XKR4: variants seen among roughly 807,000 people sequenced by gnomAD.
XKR4 encodes XK related 4.
A neutral mutation model predicts 53.9 loss-of-function variants in XKR4; 12 were observed. The observed-to-expected ratio is 0.22, with a 90% confidence interval of 0.14 to 0.36. The LOEUF is 0.36. Among genes scored for constraint, XKR4 ranks in the 10% least tolerant of loss-of-function variants. The probability of loss-of-function intolerance (pLI) is 1.00; values close to 1 mark genes in which losing one functional copy is unlikely to be tolerated. For missense variants in XKR4, 799 were observed against 859.5 expected, an observed-to-expected ratio of 0.93 and a Z score of 0.88; for synonymous variants, 354 against 362.4, an observed-to-expected ratio of 0.98 and a Z score of 0.26.
chr8:55,185,813 A>G (rs1000263194), intron 1 of XKR4, among the ~76,000 whole-genome samples: 2 of 152,130 alleles, frequency 1.3e-5, no homozygotes, highest in Non-Finnish European at 2.9e-5. Flanking sequence ...GTTTGATTCC[A>G]CCTAGATTGC....
At chr8:55,495,616 T>C (rs1806332741) in intron 2 of XKR4, among the ~76,000 whole-genome samples, 1 of 151,748 alleles carries the variant, frequency 6.6e-6, no homozygotes, top group African/African-American at 2.4e-5. Context: ...ATTGTCTCCT[T>C]CCCCCCCAGG....
intron 1 of XKR4, among the ~76,000 whole-genome samples, chr8:55,104,137 G>A (rs1297615478): frequency 6.6e-6 from 1 of 151,984 alleles, no homozygotes; most frequent in Non-Finnish European, 1.5e-5. Flanking sequence ...GGAATACAAG[G>A]CTAAACTTGG....
At chr8:55,143,294 G>A (rs1338274663) in intron 1 of XKR4, among the ~76,000 whole-genome samples, 1 of 152,144 alleles carries the variant, frequency 6.6e-6, no homozygotes, top group African/African-American at 2.4e-5. Context: ...GAACTGCTGG[G>A]TCCTAAAGTG....
chr8:55,521,281 A>C (rs565042061), intron 2 of XKR4, among the ~76,000 whole-genome samples: 12 of 152,242 alleles, frequency 7.9e-5, no homozygotes, highest in Non-Finnish European at 1.3e-4. Context: ...AAAAAGGCAC[A>C]ATCTTTTGTT....
chr8:55,534,358 A>ATAT lies in XKR4; in HGVS notation c.*10133_*10135dup, dbSNP rs1806997040. On this transcript the variant is annotated 3_prime_UTR_variant, in exon 3 of 3. Coordinates refer to ENST00000327381, the MANE Select transcript of XKR4 (RefSeq NM_052898.2). The stretch of plus-strand genomic sequence containing the variant: ...TACGAGCTCAAAGATCACGAATCTG[A>ATAT]TATTCTTTTTTTTTTTTTTTTTTTT... 1 of 71,518 alleles carries ATAT rather than the reference A, an allele frequency of 1.4e-5. No individual in the cohort carries two copies. The highest frequency in any genetic ancestry group is 3.0e-5 in the Non-Finnish European group (1 of 33,434). 4.4% of individuals were successfully genotyped at this position (71,518 alleles called of 1,614,324 possible). A position where few individuals can be genotyped will look rare whatever the true frequency, so the allele number is the denominator to read the frequency against.
At position 55,458,369 on chromosome 8, in the gene XKR4, G is replaced by A. The variant is rs142566906; in HGVS notation, c.1007-64912G>A. 4.1e-4 allele frequency among the ~76,000 whole-genome samples: 62 copies of A among 152,284 alleles called. 1 individual carries two copies. In the East Asian group the frequency reaches 7.5e-3, roughly 19 times the overall value. ...ATGAGTGCTTCTGGGCAACCAGCAG[G>A]AGCAGAACTCCATATGGTCCCGTGG... On this transcript the variant is annotated intron_variant, in intron 2 of 2. Coordinates refer to ENST00000327381, the MANE Select transcript of XKR4 (RefSeq NM_052898.2).
intron 1 of XKR4, among the ~76,000 whole-genome samples, chr8:55,282,738 G>A (rs1818859582): frequency 6.6e-6 from 1 of 152,124 alleles, no homozygotes; most frequent in Admixed American, 6.5e-5. Flanking sequence ...AAACTATATT[G>A]AGTGACATTG....
intron 1 of XKR4, among the ~76,000 whole-genome samples, chr8:55,105,581 T>C (rs1307981991): frequency 6.6e-6 from 1 of 152,172 alleles, no homozygotes; most frequent in Admixed American, 6.5e-5. Context: ...TATTATCAGA[T>C]ATAATATTCT....
chr8:55,280,236 G>T (rs1321086908), intron 1 of XKR4, among the ~76,000 whole-genome samples: 1 of 152,182 alleles, frequency 6.6e-6, no homozygotes, highest in Non-Finnish European at 1.5e-5. Context: ...ATGTTTGTCA[G>T]AGCCATTGTT....
At chr8:55,213,751 G>A (rs550171092) in intron 1 of XKR4, among the ~76,000 whole-genome samples, 2 of 151,834 alleles carry the variant, frequency 1.3e-5, no homozygotes, top group Non-Finnish European at 2.9e-5. Flanking sequence ...ATGGACTCAG[G>A]TCAGATCTCT....
At chr8:55,306,596 T>G (rs1452768425) in intron 1 of XKR4, among the ~76,000 whole-genome samples, 1 of 152,160 alleles carries the variant, frequency 6.6e-6, no homozygotes, top group Non-Finnish European at 1.5e-5. Context: ...CTCCCACTTA[T>G]AGTAGCCATC....
intron 2 of XKR4, among the ~76,000 whole-genome samples, chr8:55,460,409 A>T (rs1805636947): frequency 6.6e-6 from 1 of 152,250 alleles, no homozygotes; most frequent in Non-Finnish European, 1.5e-5. Flanking sequence ...AAACAAGTGG[A>T]TATTATGGCT....
At position 55,525,868 on chromosome 8, in the gene XKR4, C is replaced by G. The variant is rs1175718216; in HGVS notation, c.*1641C>G. The G allele has an allele frequency of 6.6e-6, 1 of 152,544 alleles. No homozygotes were observed. Among genetic ancestry groups the G allele is most frequent in the African/African-American group, 2.4e-5 (1 of 41,448 alleles). 9.4% of individuals were successfully genotyped at this position (152,544 alleles called of 1,614,324 possible). On this transcript the variant is annotated 3_prime_UTR_variant, in exon 3 of 3. Transcript: ENST00000327381. ...CACAAATTCCATCAGCCTGCCTCAG[C>G]AGATTGAAAACATTTGTCTCTTGCA...
chr8:55,309,117 C>T (rs932946271), intron 1 of XKR4, among the ~76,000 whole-genome samples: 2 of 152,202 alleles, frequency 1.3e-5, no homozygotes, highest in African/African-American at 4.8e-5. Context: ...CCTGCCAACT[C>T]CTTCATTTTC....
In XKR4 at chr8:55,289,126, A is replaced by G. The variant is rs531322390; in HGVS notation, c.807-68552A>G. Among the ~76,000 whole-genome samples the G allele has an allele frequency of 2.6e-5, 4 of 152,312 alleles. No homozygotes were observed. The East Asian group carries it at 7.7e-4, about 29-fold the overall frequency. ...ATGAATAAAGCTGTCATAAACATTTATGTATATTAGTATGAACATAAATTT... is the reference window on the plus strand; with the variant it reads ...ATGAATAAAGCTGTCATAAACATTTGTGTATATTAGTATGAACATAAATTT... On this transcript the variant is annotated intron_variant, in intron 1 of 2. Transcript: ENST00000327381.
chr8:55,183,960 G>C (rs1817345121), intron 1 of XKR4, among the ~76,000 whole-genome samples: 1 of 152,066 alleles, frequency 6.6e-6, no homozygotes, highest in Non-Finnish European at 1.5e-5. Flanking sequence ...CCCTCCCCCT[G>C]CCAGCTCCAT....
At chr8:55,445,873 C>A (rs79201276) in intron 2 of XKR4, among the ~76,000 whole-genome samples, 3,860 of 152,274 alleles carry the variant, frequency 0.025, 159 homozygotes, top group African/African-American at 0.088. Context: ...CAGTACGAAG[C>A]CTTGCTAAAT....
At chr8:55,417,236 C>G (rs886850978) in intron 2 of XKR4, among the ~76,000 whole-genome samples, 1 of 152,314 alleles carries the variant, frequency 6.6e-6, no homozygotes, top group Non-Finnish European at 1.5e-5. Context: ...TTTTCCCAAG[C>G]GGGCAGTTTA....
At chr8:55,286,664 C>T (rs1432491155) in intron 1 of XKR4, among the ~76,000 whole-genome samples, 2 of 152,200 alleles carry the variant, frequency 1.3e-5, no homozygotes, top group African/African-American at 2.4e-5. Flanking sequence ...ATGCCTTTCT[C>T]ACAGCATGCC....
Sources: gnomAD v4.1 joint callset for allele counts (sites outside exome capture counted in the v4.1 genomes callset) on GRCh38, gnomAD v4.1.1 for gene constraint, MANE v1.5 for transcripts, NCBI Gene and HGNC (gene_info 2026-07-23, HGNC 2026-07-21) for gene names.